Variants in ACSM1 observed in about 807,000 individuals in gnomAD.
ACSM1 encodes the protein acyl-CoA synthetase medium chain family member 1.
Under a neutral mutation model 75.8 loss-of-function variants are expected in ACSM1, and 79 were observed. The observed-to-expected ratio is 1.04, with a 90% CI of 0.87 to 1.26. The LOEUF (loss-of-function observed/expected upper bound fraction) is 1.26. Among genes scored for constraint, ACSM1 ranks in the 50% most tolerant of loss-of-function variants. The pLI is 0.00. For missense variants in ACSM1, 676 were observed against 720.1 expected, an observed-to-expected ratio of 0.94 and a Z score of 0.70; for synonymous variants, 279 against 265.8, an observed-to-expected ratio of 1.05 and a Z score of -0.48.
chr16:20,689,709 T>C (rs1354524467), intron 2 of ACSM1, among the ~76,000 whole-genome samples: 1 of 152,216 alleles, frequency 6.6e-6, no homozygotes, highest in African/African-American at 2.4e-5. Context: ...TGTTCACCCA[T>C]TCACCTCCTC....
chr16:20,635,162 A>C (rs1017011703), intron 10 of ACSM1, among the ~76,000 whole-genome samples: 6 of 152,310 alleles, frequency 3.9e-5, no homozygotes, highest in African/African-American at 1.2e-4. Flanking sequence ...TGGGAGGCTG[A>C]GGCAGGGGGG....
intron 3 of ACSM1, 22 bp downstream of exon 3, chr16:20,685,171 A>G: frequency 2.5e-6 from 4 of 1,613,650 alleles, no homozygotes; most frequent in Non-Finnish European, 3.4e-6. Flanking sequence ...GAGGTCCACC[A>G]GGTCCCTCTT....
At chr16:20,631,712 G>A (rs1035373161) in intron 10 of ACSM1, among the ~76,000 whole-genome samples, 5 of 152,146 alleles carry the variant, frequency 3.3e-5, no homozygotes, top group African/African-American at 1.2e-4. Context: ...CATGTCTTTC[G>A]TGGCAACTTG....
chr16:20,647,062 C>T (rs971357202), intron 7 of ACSM1, among the ~76,000 whole-genome samples: 55 of 152,358 alleles, frequency 3.6e-4, no homozygotes, highest in African/African-American at 1.2e-3. Flanking sequence ...TCCTTTCCCT[C>T]TGCCTTCTGT....
intron 10 of ACSM1, among the ~76,000 whole-genome samples, chr16:20,635,580 TTTTCTTTCTTTCTTTCTTTC>T (rs56177992): frequency 0.13 from 15,952 of 124,174 alleles, 1,355 homozygotes; most frequent in African/African-American, 0.21. Flanking sequence ...TAATTTTTCT[TTTTCTTTCTTTCTTTCTTTC>T]TTTCTTTCTT....
chr16:20,624,386 T>G (rs1219599380), intron 12 of ACSM1, among the ~76,000 whole-genome samples, 171 bp from the exon 13 acceptor site: 1 of 152,238 alleles, frequency 6.6e-6, no homozygotes, highest in Non-Finnish European at 1.5e-5. Context: ...CTCCATGCCT[T>G]GAAAAGTTAT....
chr16:20,632,531 T>C (rs2017411277), intron 10 of ACSM1, among the ~76,000 whole-genome samples: 1 of 152,080 alleles, frequency 6.6e-6, no homozygotes, highest in Non-Finnish European at 1.5e-5. Flanking sequence ...CATAAGGAGG[T>C]AAAATTAGTT....
intron 1 of ACSM1, among the ~76,000 whole-genome samples, chr16:20,694,266 G>A (rs375114105): frequency 1.3e-5 from 2 of 152,198 alleles, no homozygotes; most frequent in Admixed American, 1.3e-4. Context: ...GGGTGGATGC[G>A]TCAGGTTATA....
chr16:20,670,123 T>A (rs1327738197), intron 5 of ACSM1, 137 bp from the exon 6 acceptor site: 1 of 779,296 alleles, frequency 1.3e-6, no homozygotes, highest in African/African-American at 1.8e-5. Flanking sequence ...CATACCACCC[T>A]CAGGCCAGGT....
chr16:20,675,192 TAA>T (rs2020197787), intron 4 of ACSM1, among the ~76,000 whole-genome samples: 1 of 152,074 alleles, frequency 6.6e-6, no homozygotes, highest in Non-Finnish European at 1.5e-5. Flanking sequence ...TGTGGGAATC[TAA>T]CTAGGCTCAC....
At chr16:20,667,060 C>A (rs893857217) in intron 6 of ACSM1, among the ~76,000 whole-genome samples, 17 of 152,156 alleles carry the variant, frequency 1.1e-4, no homozygotes, top group Non-Finnish European at 2.2e-4. Context: ...GCTAAGTCCC[C>A]AAAACCAATT....
chr16:20,686,214 A>AT (rs946746898), intron 2 of ACSM1, among the ~76,000 whole-genome samples: 1 of 151,648 alleles, frequency 6.6e-6, no homozygotes, highest in African/African-American at 2.4e-5. Flanking sequence ...TTTGAAAAAA[A>AT]TTTTTTTAAT....
rs2016772482 is a variant in ACSM1 at position 20,624,111 on chromosome 16, G to C, written c.1632C>G (p.Tyr544Ter). 6.2e-7 allele frequency: 1 copy of C among 1,612,594 alleles called. No individual in the cohort carries two copies. The highest frequency in any genetic ancestry group is 1.7e-5 in the Admixed American group (1 of 59,966). The stretch of plus-strand genomic sequence containing the variant: ...CCTCACTCACCTTCCTTGGGTACTT[G>C]TATGGGGCTGTCACTGACTTGACAT... ...QQHVKSVTAPYKYPRKVEFVS... is the reference protein window; with the variant it reads ...QQHVKSVTAP Residue 544 changes from tyrosine (Y) to a stop codon, truncating the protein, a stop_gained, in exon 13 of 14, where the codon TAC (tyrosine) becomes TAG (stop). Coordinates refer to ENST00000520010, the MANE Select transcript of ACSM1 (RefSeq NM_001318890.3). LOFTEE classifies it high-confidence loss of function.
chr16:20,670,738 T>G (rs2019849884), intron 5 of ACSM1, among the ~76,000 whole-genome samples: 1 of 152,190 alleles, frequency 6.6e-6, no homozygotes, highest in Non-Finnish European at 1.5e-5. Flanking sequence ...CTTTGTGTCT[T>G]TGCACATATT....
At chr16:20,660,009 A>G (rs2152254827) in intron 7 of ACSM1, among the ~76,000 whole-genome samples, 1 of 152,248 alleles carries the variant, frequency 6.6e-6, no homozygotes, top group East Asian at 1.9e-4. Flanking sequence ...CGCCTCCCTA[A>G]AATATATAAA....
chr16:20,695,210 C>A (rs892494147), intron 1 of ACSM1, among the ~76,000 whole-genome samples: 1 of 152,150 alleles, frequency 6.6e-6, no homozygotes, highest in Non-Finnish European at 1.5e-5. Flanking sequence ...TCAAACAACA[C>A]GGGCTCAAAT....
chr16:20,629,822 T>A (rs2017226322), intron 10 of ACSM1, among the ~76,000 whole-genome samples: 1 of 152,046 alleles, frequency 6.6e-6, no homozygotes. Context: ...TGAAACCCCG[T>A]CTCTGCTAAA....
At chr16:20,625,155 A>G (rs1274406032) in intron 12 of ACSM1, among the ~76,000 whole-genome samples, 1 of 152,096 alleles carries the variant, frequency 6.6e-6, no homozygotes, top group East Asian at 1.9e-4. Flanking sequence ...CTCTTTCCTC[A>G]TCTATAAAAA....
intron 8 of ACSM1, among the ~76,000 whole-genome samples, chr16:20,638,187 A>T (rs910812998): frequency 6.6e-6 from 1 of 152,228 alleles, no homozygotes; most frequent in African/African-American, 2.4e-5. Flanking sequence ...ATGCATGCCA[A>T]TGAATCCCTC....
Sources: allele counts gnomAD v4.1 joint callset (sites outside exome capture counted in the v4.1 genomes callset), GRCh38; gene constraint gnomAD v4.1.1; transcripts MANE v1.5; gene names NCBI Gene and HGNC (gene_info 2026-07-23, HGNC 2026-07-21).